The following MUC7 variants were observed in gnomAD, a reference collection of about 807,000 sequenced individuals.
The protein encoded by MUC7 is mucin-7.
In MUC7, 2 loss-of-function variants were observed where a neutral mutation model predicts 2.5. The ratio of observed to expected loss-of-function variants is 0.81; its 90% CI spans 0.33 to 2.55. The LOEUF (loss-of-function observed/expected upper bound fraction) is 2.55. MUC7 is among the 30% of genes most tolerant of loss of function. The probability of loss-of-function intolerance (pLI) is 0.11; values close to 1 mark genes in which losing one functional copy is unlikely to be tolerated. For missense variants in MUC7, 408 were observed against 455.6 expected, an observed-to-expected ratio of 0.90 and a Z score of 0.95; for synonymous variants, 133 against 173.4, an observed-to-expected ratio of 0.77 and a Z score of 1.83.
At chr4:70,447,538 A>G (rs1734175594) in intron 1 of MUC7, among the ~76,000 whole-genome samples, 1 of 152,194 alleles carries the variant, frequency 6.6e-6, no homozygotes, top group African/African-American at 2.4e-5. Context: ...CTATCTCTTG[A>G]TAATACATCA....
At chr4:70,464,463 A>G (rs1734631197) in intron 1 of MUC7, among the ~76,000 whole-genome samples, 1 of 152,058 alleles carries the variant, frequency 6.6e-6, no homozygotes, top group Admixed American at 6.5e-5. Flanking sequence ...AGTGGTTCCC[A>G]CCCCTACAGA....
At chr4:70,468,922 G>C (rs957668729), upstream of MUC7, among the ~76,000 whole-genome samples, 2 of 152,024 alleles carry the variant, frequency 1.3e-5, no homozygotes, top group Admixed American at 1.3e-4. Context: ...ATGTCATATG[G>C]AACCAAAAAA....
At chr4:70,452,596 GC>G (rs1560549165) in intron 1 of MUC7, among the ~76,000 whole-genome samples, 1 of 151,604 alleles carries the variant, frequency 6.6e-6, no homozygotes, top group African/African-American at 2.4e-5. Flanking sequence ...TTTCGTCTTC[GC>G]ACTTTTAACT....
At chr4:70,445,304 A>G (rs1734103578) in intron 1 of MUC7, among the ~76,000 whole-genome samples, 1 of 151,960 alleles carries the variant, frequency 6.6e-6, no homozygotes, top group Admixed American at 6.6e-5. Context: ...CCACAACTCC[A>G]CTAACTGTTG....
chr4:70,438,784 G>C (rs577380563), intron 1 of MUC7, among the ~76,000 whole-genome samples: 43 of 152,174 alleles, frequency 2.8e-4, no homozygotes, highest in African/African-American at 1.0e-3. Flanking sequence ...AGATCAAAAT[G>C]ATACTCTAAA....
chr4:70,457,024 A>C (rs796104833), intron 1 of MUC7, among the ~76,000 whole-genome samples: 2 of 147,796 alleles, frequency 1.4e-5, no homozygotes, highest in East Asian at 4.0e-4. Flanking sequence ...TAAACACCAA[A>C]TAATAAGATG....
chr4:70,445,714 C>CA (rs925652020), intron 1 of MUC7, among the ~76,000 whole-genome samples: 13 of 151,648 alleles, frequency 8.6e-5, no homozygotes, highest in Non-Finnish European at 1.6e-4. Flanking sequence ...TCCATGGAAA[C>CA]AAAAAAAGAG....
At chr4:70,434,918 G>T (rs28790326) in intron 1 of MUC7, among the ~76,000 whole-genome samples, 1 of 151,874 alleles carries the variant, frequency 6.6e-6, no homozygotes, top group Non-Finnish European at 1.5e-5. Context: ...CTTTGTTCTC[G>T]TTGGTTTCAA....
chr4:70,468,143 C>A (rs894785178), upstream of MUC7, among the ~76,000 whole-genome samples: 2 of 152,140 alleles, frequency 1.3e-5, no homozygotes, highest in African/African-American at 4.8e-5. Context: ...TAAACAGAAC[C>A]AATGACAAAA....
chr4:70,462,538 A>G (rs1026519393), intron 1 of MUC7, among the ~76,000 whole-genome samples: 1 of 152,250 alleles, frequency 6.6e-6, no homozygotes, highest in Admixed American at 6.5e-5. Context: ...GGACTTAGAT[A>G]CATTTAAGAT....
intron 1 of MUC7, among the ~76,000 whole-genome samples, chr4:70,435,267 A>T (rs1352519294): frequency 3.3e-5 from 5 of 152,108 alleles, no homozygotes; most frequent in African/African-American, 4.8e-5. Flanking sequence ...ATCCTTGTTA[A>T]TTTACTGTCT....
intron 1 of MUC7, among the ~76,000 whole-genome samples, chr4:70,455,641 A>G (rs1043637534): frequency 2.0e-5 from 3 of 152,196 alleles, no homozygotes; most frequent in Non-Finnish European, 2.9e-5. Flanking sequence ...AGTATTTATA[A>G]TAAAATTTTT....
At chr4:70,466,358 G>A (rs1037950331) in intron 1 of MUC7, among the ~76,000 whole-genome samples, 3 of 152,110 alleles carry the variant, frequency 2.0e-5, no homozygotes, top group African/African-American at 7.2e-5. Flanking sequence ...CAAATAACCA[G>A]CAAAATAACC....
At chr4:70,453,518 G>A (rs1034458450) in intron 1 of MUC7, among the ~76,000 whole-genome samples, 4 of 152,170 alleles carry the variant, frequency 2.6e-5, no homozygotes, top group African/African-American at 9.7e-5. Context: ...ACCCTTCAGG[G>A]CACTGGGCTC....
intron 1 of MUC7, among the ~76,000 whole-genome samples, chr4:70,450,417 G>A (rs534611808): frequency 6.6e-6 from 1 of 152,308 alleles, no homozygotes; most frequent in South Asian, 2.1e-4. Context: ...GGATGCCTAG[G>A]GCCCACTTGG....
At chr4:70,462,442 A>G (rs974692115) in intron 1 of MUC7, among the ~76,000 whole-genome samples, 1 of 152,190 alleles carries the variant, frequency 6.6e-6, no homozygotes, top group Non-Finnish European at 1.5e-5. Context: ...GCTCCCACAA[A>G]TTGACAAATC....
chr4:70,431,475 T>C (rs746887995), intron 1 of MUC7, among the ~76,000 whole-genome samples: 6 of 152,048 alleles, frequency 3.9e-5, no homozygotes, highest in Admixed American at 6.6e-5. Flanking sequence ...TCATTCCTAC[T>C]AGTGGGTTTT....
At chr4:70,476,575 T>A (rs1055139132) in intron 2 of MUC7, among the ~76,000 whole-genome samples, 1 of 152,054 alleles carries the variant, frequency 6.6e-6, no homozygotes, top group Non-Finnish European at 1.5e-5. Context: ...GAATGTGAGG[T>A]CAGGAGTTCG....
chr4:70,452,744 A>G (rs527649136), intron 1 of MUC7, among the ~76,000 whole-genome samples: 1 of 152,326 alleles, frequency 6.6e-6, no homozygotes, highest in East Asian at 1.9e-4. Context: ...ACAGTGTTAC[A>G]ATACTCTATG....
Sources: gnomAD v4.1 joint callset for allele counts (sites outside exome capture counted in the v4.1 genomes callset) on GRCh38, gnomAD v4.1.1 for gene constraint, MANE v1.5 for transcripts, NCBI Gene and HGNC (gene_info 2026-07-23, HGNC 2026-07-21) for gene names.